CLSTN3: variants seen among roughly 807,000 people sequenced by gnomAD.
CLSTN3 encodes the protein calsyntenin 3.
Under a neutral mutation model 95.9 loss-of-function variants are expected in CLSTN3, and 36 were observed. The ratio of observed to expected loss-of-function variants is 0.38; its 90% CI spans 0.29 to 0.50. The LOEUF is 0.50. Among genes scored for constraint, CLSTN3 ranks in the 20% least tolerant of loss-of-function variants. The probability of loss-of-function intolerance (pLI) is 0.95; values close to 1 mark genes in which losing one functional copy is unlikely to be tolerated. For missense variants in CLSTN3, 1,084 were observed against 1,268.8 expected (o/e 0.85, Z 2.21); for synonymous variants, 481 against 504.0 (o/e 0.95, Z 0.61).
chr12:7,148,212 G>T (rs186102930), intron 12 of CLSTN3, among the ~76,000 whole-genome samples: 16 of 147,318 alleles, frequency 1.1e-4, no homozygotes, highest in African/African-American at 2.0e-4. Flanking sequence ...AAGAAAGAAA[G>T]AAATGTGGGA....
intron 11 of CLSTN3, 23 bp from the exon 12 acceptor site, chr12:7,143,140 C>T (rs1376942599): frequency 5.6e-6 from 9 of 1,609,524 alleles, no homozygotes; most frequent in Non-Finnish European, 6.8e-6. Flanking sequence ...CTGCTCTCAG[C>T]TGTATCTGTG....
chr12:7,130,307 C>CG (rs1405537166), upstream of CLSTN3: 16 of 912,798 alleles, frequency 1.8e-5, no homozygotes, highest in East Asian at 5.0e-5. Context: ...ACCTGGTCCC[C>CG]CCCCCTCCCA....
chr12:7,142,840 C>T (rs758819819), intron 10 of CLSTN3, 29 bp from the exon 11 acceptor site: 3 of 1,609,638 alleles, frequency 1.9e-6, no homozygotes, highest in Non-Finnish European at 2.5e-6. Context: ...CTTCTCACCT[C>T]CCGTCCTGCT....
At position 7,137,308 on chromosome 12, in the gene CLSTN3, A is replaced by G; in HGVS notation, c.1210+198A>G. 1.7e-6 allele frequency: 1 copy of G among 598,766 alleles called. No homozygotes were observed. The highest frequency in any genetic ancestry group is 1.9e-5 in the African/African-American group (1 of 53,974). The allele number at this position is 598,766 out of a possible 1,614,324, so 37.1% of individuals were successfully genotyped here. A position where few individuals can be genotyped will look rare whatever the true frequency, so the allele number is the denominator to read the frequency against. ...TGGATCGTACTGCTGTCAGAGTGCA[A>G]TGGGATTCCTTGCTGCTACTCTTGT... is the stretch of plus-strand genomic sequence containing the variant. On this transcript the variant is annotated intron_variant, in intron 7 of 17. Coordinates refer to ENST00000266546, the MANE Select transcript of CLSTN3 (RefSeq NM_014718.4). This position sits in a 1 kb window ranked among gnomAD's most constrained non-coding sequence, Gnocchi z 4.4.
Position 7,157,995 on chromosome 12 carries a change from G to C in CLSTN3, c.2785G>C (p.Asp929His). The C allele has an allele frequency of 6.4e-7, 1 of 1,551,422 alleles. No individual in the cohort carries two copies. The highest frequency in any genetic ancestry group is 1.2e-5 in the South Asian group (1 of 84,026). ...GGGGGCTGTTGGGGGCCAGCAGGAG[G>C]ATGAGGACAGCAGTGACTCGGAGGT... ...VTGAVGGQQE[D>H]EDSSDSEVAD... The change falls in exon 18 of 18, where the codon GAT becomes CAT. Residue 929 changes from aspartate to histidine, a missense_variant. Physicochemically the swap from Asp to His is moderately conservative, Grantham distance 81. Coordinates refer to ENST00000266546, the MANE Select transcript of CLSTN3 (RefSeq NM_014718.4). This position sits in a 1 kb window ranked among gnomAD's most constrained non-coding sequence, Gnocchi z 5.9.
chr12:7,158,175 C>G lies in CLSTN3; in HGVS notation c.*94C>G. On this transcript the variant is annotated 3_prime_UTR_variant, in exon 18 of 18. Coordinates refer to ENST00000266546, the MANE Select transcript of CLSTN3 (RefSeq NM_014718.4). ...AAGGACTTTCTGGGAACACAGAGACCAAGAGGGAGAGAGGCTTCAGAACCA... is the reference window on the plus strand; with the variant it reads ...AAGGACTTTCTGGGAACACAGAGACGAAGAGGGAGAGAGGCTTCAGAACCA... 7.2e-7 allele frequency: 1 copy of G among 1,392,688 alleles called. No individual in the cohort carries two copies. The highest frequency in any genetic ancestry group is 9.5e-7 in the Non-Finnish European group (1 of 1,051,884). 86.3% of individuals were successfully genotyped at this position (1,392,688 alleles called of 1,614,324 possible). A position where few individuals can be genotyped will look rare whatever the true frequency, so the allele number is the denominator to read the frequency against.
chr12:7,149,256 G>A lies in CLSTN3; in HGVS notation c.2074+58G>A, dbSNP rs1939680302. 2.1e-6 allele frequency: 3 copies of A among 1,440,264 alleles called. No individual in the cohort carries two copies. The South Asian group carries it at 3.6e-5, about 17-fold the overall frequency. 89.2% of individuals were successfully genotyped at this position (1,440,264 alleles called of 1,614,324 possible). A position where few individuals can be genotyped will look rare whatever the true frequency, so the allele number is the denominator to read the frequency against. On this transcript the variant is annotated intron_variant, in intron 13 of 17. Transcript: ENST00000266546. This position sits in a 1 kb window ranked among gnomAD's most constrained non-coding sequence, Gnocchi z 4.5. The stretch of plus-strand genomic sequence containing the variant: ...GAGAACCAGCCAGTGTCTGGAGTCA[G>A]AGTGTGGGAGAACTCCTGGGGCTGG...
intron 10 of CLSTN3, among the ~76,000 whole-genome samples, 153 bp from the exon 11 acceptor site, chr12:7,142,716 T>TC (rs1476510673): frequency 2.8e-5 from 4 of 141,154 alleles, no homozygotes; most frequent in African/African-American, 1.0e-4. Flanking sequence ...CTCTCTTTTT[T>TC]CCTTTTTTTT....
rs1939701451 is a variant in CLSTN3, at chr12:7,150,349, C to A, written c.2246-195C>A. The stretch of plus-strand genomic sequence containing the variant: ...AGCAGGAAATGGAGCCTTGATCTCT[C>A]CATCCTAGTTAGTCAGAGTGGGCAG... On this transcript the variant is annotated intron_variant, in intron 14 of 17. Transcript: ENST00000266546. The surrounding 1 kb of genome is among the most constrained non-coding windows in gnomAD (Gnocchi z 4.0). Among the ~76,000 whole-genome samples, 1 of 152,208 alleles carries A rather than the reference C, an allele frequency of 6.6e-6. No individual in the cohort carries two copies. Among genetic ancestry groups the A allele is most frequent in the Admixed American group, 6.5e-5 (1 of 15,290 alleles).
chr12:7,146,455 GC>G (rs1939623365), intron 12 of CLSTN3, among the ~76,000 whole-genome samples: 2 of 152,024 alleles, frequency 1.3e-5, no homozygotes, highest in Admixed American at 1.3e-4. Context: ...ATTTAAAGCT[GC>G]CAGCCATCTG....
At chr12:7,152,058 G>GA (rs779248525) in intron 16 of CLSTN3, among the ~76,000 whole-genome samples, 5,670 of 67,838 alleles carry the variant, frequency 0.084, 133 homozygotes, top group Middle Eastern at 0.16. Context: ...TGTCTCAAAG[G>GA]AAAAAAAAAA....
At position 7,150,031 on chromosome 12, in the gene CLSTN3, G is replaced by A. The variant is rs1030006741; in HGVS notation, c.2245+338G>A. On this transcript the variant is annotated intron_variant, in intron 14 of 17. Transcript: ENST00000266546. The surrounding 1 kb of genome is among the most constrained non-coding windows in gnomAD (Gnocchi z 4.0). ...ACCCTCTAGCTGTCTGTTTGTTACC[G>A]GTCATCTCTGTTGTTCAGCTCACTC... Among the ~76,000 whole-genome samples, 1 of 152,044 alleles carries A rather than the reference G, an allele frequency of 6.6e-6. No homozygotes were observed. Among genetic ancestry groups the A allele is most frequent in the Admixed American group, 6.5e-5 (1 of 15,276 alleles).
At chr12:7,132,720 C>A (rs767252118) in intron 1 of CLSTN3, 26 of 588,742 alleles carry the variant, frequency 4.4e-5, no homozygotes, top group Non-Finnish European at 6.4e-5. Flanking sequence ...AAAGAACATT[C>A]TCCACTTCCT....
upstream of CLSTN3, chr12:7,130,058 C>T (rs1370841215): frequency 5.0e-6 from 1 of 198,980 alleles, no homozygotes; most frequent in South Asian, 7.7e-5. Flanking sequence ...GGCGGGGTGA[C>T]GCGGTGCCAC....
Position 7,150,794 on chromosome 12 carries a change from G to T in CLSTN3, c.2391+105G>T. 1 of 1,557,540 alleles carries T rather than the reference G, an allele frequency of 6.4e-7. No individual in the cohort carries two copies. The highest frequency in any genetic ancestry group is 1.7e-4 in the Middle Eastern group (1 of 5,842). ...TGGTGGGCATGGACATGGCAGCGTG[G>T]AGGGCTGCTGGACCTTGCAGTGGGT... On this transcript the variant is annotated intron_variant, in intron 15 of 17. Coordinates refer to ENST00000266546, the MANE Select transcript of CLSTN3 (RefSeq NM_014718.4). This position sits in a 1 kb window ranked among gnomAD's most constrained non-coding sequence, Gnocchi z 4.0.
chr12:7,143,674 G>A (rs750014478), intron 12 of CLSTN3, among the ~76,000 whole-genome samples: 2 of 152,148 alleles, frequency 1.3e-5, no homozygotes, highest in Non-Finnish European at 2.9e-5. Flanking sequence ...GGATAACCTC[G>A]GGCAAATGGT....
At chr12:7,129,709 G>A (rs1489245359), upstream of CLSTN3, 1 of 985,530 alleles carries the variant, frequency 1.0e-6, no homozygotes, top group Non-Finnish European at 1.2e-6. The surrounding 1 kb of genome is among the most constrained non-coding windows in gnomAD (Gnocchi z 5.5). Flanking sequence ...ATTCTCTCTC[G>A]AACCTGCCAT....
chr12:7,145,921 G>A (rs746509688), intron 12 of CLSTN3, among the ~76,000 whole-genome samples: 6 of 152,170 alleles, frequency 3.9e-5, no homozygotes, highest in South Asian at 2.1e-4. Flanking sequence ...CCTCTGTGCC[G>A]CGTGTCTGAA....
At position 7,137,888 on chromosome 12, in the gene CLSTN3, C is replaced by G; in HGVS notation, c.1211-67C>G. 8.8e-7 allele frequency: 1 copy of G among 1,141,258 alleles called. No homozygotes were observed. Among genetic ancestry groups the G allele is most frequent in the Non-Finnish European group, 1.3e-6 (1 of 766,806 alleles). The allele number at this position is 1,141,258 out of a possible 1,614,324, so 70.7% of individuals were successfully genotyped here. A position where few individuals can be genotyped will look rare whatever the true frequency, so the allele number is the denominator to read the frequency against. ...AAGAGAATCCAACATCCTCTCCTTC[C>G]TGCTGCTTTGAACTTGTTCTGGCCT... On this transcript the variant is annotated intron_variant, in intron 7 of 17. Coordinates refer to ENST00000266546, the MANE Select transcript of CLSTN3 (RefSeq NM_014718.4). This position sits in a 1 kb window ranked among gnomAD's most constrained non-coding sequence, Gnocchi z 4.4.
Sources: allele counts gnomAD v4.1 joint callset (sites outside exome capture counted in the v4.1 genomes callset), GRCh38; gene constraint gnomAD v4.1.1; non-coding constraint Gnocchi (gnomAD v3.1); transcripts MANE v1.5; gene names NCBI Gene and HGNC (gene_info 2026-07-23, HGNC 2026-07-21).